RUNX1: variants seen among roughly 807,000 people sequenced by gnomAD.
The protein encoded by RUNX1 is RUNX family transcription factor 1, also known as runt-related transcription factor 1.
RUNX1 carries 19 observed loss-of-function variants against 42.8 expected under a neutral mutation model. The ratio of observed to expected loss-of-function variants is 0.44; its 90% CI spans 0.31 to 0.65. The LOEUF (loss-of-function observed/expected upper bound fraction) is 0.65. Ranked by LOEUF, RUNX1 falls within the 30% of genes least tolerant of loss-of-function variation. The pLI is 0.07. For synonymous variants in RUNX1, 271 were observed against 289.4 expected (o/e 0.94, Z 0.64); for missense variants, 528 against 672.0 (o/e 0.79, Z 2.37).
At chr21:34,809,338 T>C (rs1234571960) in intron 7 of RUNX1, among the ~76,000 whole-genome samples, 1 of 151,944 alleles carries the variant, frequency 6.6e-6, no homozygotes, top group African/African-American at 2.4e-5. Flanking sequence ...GCCAGAAATA[T>C]TGTGTTGAGG....
chr21:35,003,434 A>G (rs915111161), intron 2 of RUNX1, among the ~76,000 whole-genome samples: 1 of 152,224 alleles, frequency 6.6e-6, no homozygotes, highest in Non-Finnish European at 1.5e-5. Context: ...ACATGACTAC[A>G]TGCCAAACAA....
At position 34,788,566 on chromosome 21, in the gene RUNX1, A is replaced by G. The variant is rs2056397702; in HGVS notation, c.*3569T>C. ...TAGAAACACACACAAAAAAATTGAA[A>G]AAAAGTTATAGGCATTAACAATATT... On this transcript the variant is annotated 3_prime_UTR_variant, in exon 9 of 9. Coordinates refer to ENST00000675419, the MANE Select transcript of RUNX1 (RefSeq NM_001754.5). 4.3e-6 allele frequency: 1 copy of G among 233,136 alleles called. No individual in the cohort carries two copies. Among genetic ancestry groups the G allele is most frequent in the African/African-American group, 2.2e-5 (1 of 45,342 alleles). The allele number at this position is 233,136 out of a possible 1,614,324, so 14.4% of individuals were successfully genotyped here.
intron 7 of RUNX1, among the ~76,000 whole-genome samples, chr21:34,800,167 T>C (rs2056588674): frequency 6.6e-6 from 1 of 152,350 alleles, no homozygotes; most frequent in South Asian, 2.1e-4. Context: ...ATTTTATAGA[T>C]TGCCATTATA....
intron 2 of RUNX1, among the ~76,000 whole-genome samples, chr21:34,903,831 T>C (rs1366988790): frequency 3.9e-5 from 6 of 152,306 alleles, no homozygotes; most frequent in Middle Eastern, 6.8e-3. Flanking sequence ...GAAATTGCCA[T>C]AGTTTACAAA....
intron 2 of RUNX1, among the ~76,000 whole-genome samples, chr21:34,972,458 C>G (rs546494931): frequency 6.6e-6 from 1 of 152,170 alleles, no homozygotes; most frequent in Non-Finnish European, 1.5e-5. Flanking sequence ...TTGCCCTATA[C>G]AGCAAACAAA....
chr21:34,867,454 T>A (rs2057678386), intron 5 of RUNX1, among the ~76,000 whole-genome samples: 2 of 151,930 alleles, frequency 1.3e-5, no homozygotes, highest in African/African-American at 4.8e-5. Context: ...AATCAATGAA[T>A]CACTCTGCAA....
intron 5 of RUNX1, among the ~76,000 whole-genome samples, chr21:34,862,732 C>T (rs921252149): frequency 3.3e-5 from 5 of 152,198 alleles, no homozygotes; most frequent in Non-Finnish European, 7.4e-5. Flanking sequence ...ATGACTTTAT[C>T]TCGATTACAC....
At chr21:34,921,501 C>A (rs181313982) in intron 2 of RUNX1, among the ~76,000 whole-genome samples, 2 of 152,316 alleles carry the variant, frequency 1.3e-5, no homozygotes, top group African/African-American at 2.4e-5. Flanking sequence ...ACTGTATGTA[C>A]AAACCACATT....
At position 34,795,837 on chromosome 21, in the gene RUNX1, C is replaced by T. The variant is rs73362836; in HGVS notation, c.968-3227G>A. On this transcript the variant is annotated intron_variant, in intron 8 of 8. Coordinates refer to ENST00000675419, the MANE Select transcript of RUNX1 (RefSeq NM_001754.5). ...TTTCCATTTAGATTTATAGAGTCTA[C>T]GGAGAAGCTGGGACAGGAGGAAAAG... 3.1e-3 allele frequency among the ~76,000 whole-genome samples: 473 copies of T among 152,268 alleles called. 1 individual carries two copies. Among genetic ancestry groups the T allele is most frequent in the African/African-American group, 0.011 (456 of 41,542 alleles).
chr21:34,931,142 A>G (rs2058441340), intron 2 of RUNX1, among the ~76,000 whole-genome samples: 1 of 152,072 alleles, frequency 6.6e-6, no homozygotes, highest in Non-Finnish European at 1.5e-5. Flanking sequence ...TGATGAACGC[A>G]TAAAAGGAAT....
intron 6 of RUNX1, among the ~76,000 whole-genome samples, chr21:34,845,900 G>T (rs2057307343): frequency 1.3e-5 from 2 of 152,166 alleles, no homozygotes; most frequent in Non-Finnish European, 2.9e-5. Context: ...AACACAGAAT[G>T]AGTCAAACAG....
chr21:34,897,261 T>G (rs980971050), intron 2 of RUNX1, among the ~76,000 whole-genome samples: 1 of 152,194 alleles, frequency 6.6e-6, no homozygotes. Context: ...ATCATTCTGG[T>G]TCAAGTTCTC....
intron 2 of RUNX1, among the ~76,000 whole-genome samples, chr21:35,008,427 T>C (rs1052927593): frequency 3.3e-5 from 5 of 152,204 alleles, no homozygotes; most frequent in African/African-American, 1.2e-4. Flanking sequence ...TGAGGGTGAC[T>C]TGAGGCAAAG....
chr21:34,888,335 G>A, intron 3 of RUNX1: 1 of 1,060,598 alleles, frequency 9.4e-7, no homozygotes. Context: ...CGCACATCCT[G>A]CCACGCACAC....
At chr21:35,017,516 G>C (rs1359686205) in intron 2 of RUNX1, among the ~76,000 whole-genome samples, 2 of 152,172 alleles carry the variant, frequency 1.3e-5, no homozygotes, top group Non-Finnish European at 2.9e-5. Flanking sequence ...AGTTGTGATA[G>C]GGGCCAAGGA....
At chr21:34,981,742 C>G (rs1258912152) in intron 2 of RUNX1, among the ~76,000 whole-genome samples, 1 of 152,064 alleles carries the variant, frequency 6.6e-6, no homozygotes, top group Non-Finnish European at 1.5e-5. Flanking sequence ...TCAAATGTTC[C>G]AAAACACCCA....
chr21:34,982,964 T>C (rs1200968544), intron 2 of RUNX1, among the ~76,000 whole-genome samples: 2 of 152,262 alleles, frequency 1.3e-5, no homozygotes, highest in African/African-American at 2.4e-5. Flanking sequence ...TGAAGCCTAG[T>C]TGGTCTGTTG....
At position 35,048,636 on chromosome 21, in the gene RUNX1, A is replaced by T. The variant is rs1276607942; in HGVS notation, c.58+206T>A. Among the ~76,000 whole-genome samples, 4 of 152,252 alleles carry T rather than the reference A, an allele frequency of 2.6e-5. No homozygotes were observed. In the East Asian group the frequency reaches 5.8e-4, roughly 22 times the overall value. ...ACTCCAACAGCATAACTAAGTATTTATTAAAACATTTCTGAAGAGCTTCCA... is the reference window on the plus strand; with the variant it reads ...ACTCCAACAGCATAACTAAGTATTTTTTAAAACATTTCTGAAGAGCTTCCA... On this transcript the variant is annotated intron_variant, in intron 2 of 8. Coordinates refer to ENST00000675419, the MANE Select transcript of RUNX1 (RefSeq NM_001754.5).
At chr21:34,822,852 C>G (rs56780262) in intron 7 of RUNX1, among the ~76,000 whole-genome samples, 1,887 of 152,272 alleles carry the variant, frequency 0.012, 36 homozygotes, top group African/African-American at 0.042. Context: ...TTAATCAAAC[C>G]ACCATGTTCG....
Sources: gnomAD v4.1 joint callset for allele counts (sites outside exome capture counted in the v4.1 genomes callset) on GRCh38, gnomAD v4.1.1 for gene constraint, MANE v1.5 for transcripts, NCBI Gene and HGNC (gene_info 2026-07-23, HGNC 2026-07-21) for gene names.